The following AP1G1 variants were observed in gnomAD, a reference collection of about 807,000 sequenced individuals.
The protein encoded by AP1G1 is adaptor related protein complex 1 subunit gamma 1, also known as AP-1 complex subunit gamma-1.
Under a neutral mutation model 108.3 loss-of-function variants are expected in AP1G1, and 7 were observed. The observed-to-expected ratio is 0.06, with a 90% CI of 0.04 to 0.12. The LOEUF is 0.12. Among genes scored for constraint, AP1G1 ranks in the 10% least tolerant of loss-of-function variants. The pLI, the probability that AP1G1 is intolerant of heterozygous loss-of-function variation, is 1.00. For synonymous variants in AP1G1, 379 were observed against 353.5 expected (o/e 1.07, Z -0.81); for missense variants, 756 against 1,010.7 (o/e 0.75, Z 3.42).
rs148988794 is a variant in AP1G1 at position 71,766,386 on chromosome 16, T to C, written c.643-802A>G. ...TTTATCCATTAAGAGTCCTAACACA[T>C]AGTAAAGGCAATTTTACTGCCAAGC... On this transcript the variant is annotated intron_variant, in intron 6 of 22. Coordinates refer to ENST00000299980, the MANE Select transcript of AP1G1 (RefSeq NM_001128.6). 2.1e-4 allele frequency: 98 copies of C among 466,406 alleles called. No individual in the cohort carries two copies. In the East Asian group the frequency reaches 3.4e-3, roughly 16 times the overall value. 28.9% of individuals were successfully genotyped at this position (466,406 alleles called of 1,614,324 possible).
chr16:71,732,833 T>G lies in AP1G1; in HGVS notation c.*225A>C. The G allele has an allele frequency of 2.2e-6, 1 of 460,564 alleles. No individual in the cohort carries two copies. The highest frequency in any genetic ancestry group is 3.5e-5 in the East Asian group (1 of 28,572). 28.5% of individuals were successfully genotyped at this position (460,564 alleles called of 1,614,324 possible). A position where few individuals can be genotyped will look rare whatever the true frequency, so the allele number is the denominator to read the frequency against. ...TGCGGAAAAAGGAGAAGAGGAAGAGTGCAAAGTAGCCTCCAGAAGCAGCCA... is the reference window on the plus strand; with the variant it reads ...TGCGGAAAAAGGAGAAGAGGAAGAGGGCAAAGTAGCCTCCAGAAGCAGCCA... On this transcript the variant is annotated 3_prime_UTR_variant, in exon 23 of 23. Transcript: ENST00000299980.
intron 1 of AP1G1, among the ~76,000 whole-genome samples, chr16:71,799,385 T>TG (rs2142276960): frequency 6.6e-6 from 1 of 152,276 alleles, no homozygotes; most frequent in Admixed American, 6.5e-5. Flanking sequence ...AATCTAGAAA[T>TG]GATCTAAATG....
intron 12 of AP1G1, among the ~76,000 whole-genome samples, chr16:71,754,517 C>T (rs1204745904): frequency 1.3e-5 from 2 of 152,232 alleles, no homozygotes; most frequent in Non-Finnish European, 2.9e-5. Context: ...ATACAGTCAA[C>T]TGACTTCAGT....
Position 71,777,521 on chromosome 16 carries a change from C to A in AP1G1, c.202-2929G>T, listed in dbSNP as rs545980860. 294 of 285,284 alleles carry A rather than the reference C, an allele frequency of 1.0e-3. 2 individuals carry two copies. The highest frequency in any genetic ancestry group is 1.6e-3 in the Non-Finnish European group (223 of 136,456). The allele number at this position is 285,284 out of a possible 1,614,324, so 17.7% of individuals were successfully genotyped here. On this transcript the variant is annotated intron_variant, in intron 2 of 22. Transcript: ENST00000299980. ...GCAGGGCCCATAGCAAGGAGCCAGGCGAAGAGTGGCTGGACTTGTCTGTTC... is the reference window on the plus strand; with the variant it reads ...GCAGGGCCCATAGCAAGGAGCCAGGAGAAGAGTGGCTGGACTTGTCTGTTC...
chr16:71,804,171 C>T (rs1413522947), intron 1 of AP1G1, among the ~76,000 whole-genome samples: 11 of 148,432 alleles, frequency 7.4e-5, no homozygotes, highest in Admixed American at 4.1e-4. Context: ...CTCAGTCTCC[C>T]GAGTAGCTGG....
chr16:71,748,508 G>C, intron 15 of AP1G1, 130 bp from the exon 16 acceptor site: 1 of 1,102,640 alleles, frequency 9.1e-7, no homozygotes, highest in Non-Finnish European at 1.3e-6. Flanking sequence ...AACTCAACCT[G>C]TGCTTTGCCA....
intron 2 of AP1G1, among the ~76,000 whole-genome samples, chr16:71,775,203 T>C (rs563200417): frequency 6.6e-6 from 1 of 151,242 alleles, no homozygotes; most frequent in South Asian, 2.1e-4. Context: ...ATTTTTTTTT[T>C]GTATTTTTAG....
chr16:71,764,782 C>A lies in AP1G1; in HGVS notation c.739-56G>T, dbSNP rs1286601254. The A allele has an allele frequency of 2.7e-6, 3 of 1,122,930 alleles. No individual in the cohort carries two copies. The African/African-American group carries it at 4.7e-5, about 18-fold the overall frequency. The allele number at this position is 1,122,930 out of a possible 1,614,324, so 69.6% of individuals were successfully genotyped here. ...AATTATGTCTCACACAAAGAAATCTCACTTGGTATGAAATTCAAATAACTA... is the reference window on the plus strand; with the variant it reads ...AATTATGTCTCACACAAAGAAATCTAACTTGGTATGAAATTCAAATAACTA... On this transcript the variant is annotated intron_variant, in intron 7 of 22. Transcript: ENST00000299980.
At position 71,730,036 on chromosome 16, in the gene AP1G1, G is replaced by A. The variant is rs1182978934; in HGVS notation, c.*3022C>T. On this transcript the variant is annotated 3_prime_UTR_variant, in exon 23 of 23. Transcript: ENST00000299980. ...AAAAGTCTATTTTCATATATGAATG[G>A]GACAAACAAGGAGTACAAATCACAC... is the stretch of plus-strand genomic sequence containing the variant. 6.6e-6 allele frequency: 1 copy of A among 152,436 alleles called. No homozygotes were observed. The highest frequency in any genetic ancestry group is 1.5e-5 in the Non-Finnish European group (1 of 68,032). The allele number at this position is 152,436 out of a possible 1,614,324, so 9.4% of individuals were successfully genotyped here. A position where few individuals can be genotyped will look rare whatever the true frequency, so the allele number is the denominator to read the frequency against.
At chr16:71,768,542 G>C (rs543950772) in intron 6 of AP1G1, among the ~76,000 whole-genome samples, 28 of 137,618 alleles carry the variant, frequency 2.0e-4, no homozygotes, top group Admixed American at 6.0e-4. Context: ...AGAGAACTAA[G>C]ACTTCCATCA....
chr16:71,803,459 G>C (rs1457426291), intron 1 of AP1G1, among the ~76,000 whole-genome samples: 1 of 151,724 alleles, frequency 6.6e-6, no homozygotes, highest in Non-Finnish European at 1.5e-5. Flanking sequence ...CCTAAACCTT[G>C]CCCTTTTATG....
At chr16:71,799,408 T>C (rs1164761153) in intron 1 of AP1G1, among the ~76,000 whole-genome samples, 3 of 152,116 alleles carry the variant, frequency 2.0e-5, no homozygotes, top group South Asian at 2.1e-4. Context: ...CACAGGAAAA[T>C]AATAAATTAT....
intron 20 of AP1G1, 36 bp from the exon 21 acceptor site, chr16:71,739,138 C>G: frequency 6.2e-7 from 1 of 1,612,448 alleles, no homozygotes; most frequent in Non-Finnish European, 8.5e-7. Context: ...TTATTGTAGT[C>G]AGCCTAATGC....
intron 7 of AP1G1, among the ~76,000 whole-genome samples, chr16:71,765,271 G>A (rs1278062915): frequency 1.3e-5 from 2 of 152,216 alleles, no homozygotes; most frequent in Non-Finnish European, 2.9e-5. Context: ...AGGCTGCAGT[G>A]AGGCAAGATT....
chr16:71,757,454 A>AAAAAAAAAAT (rs2030860854), intron 11 of AP1G1, among the ~76,000 whole-genome samples: 5 of 152,160 alleles, frequency 3.3e-5, no homozygotes, highest in Non-Finnish European at 7.3e-5. Context: ...TCTCCAAAAA[A>AAAAAAAAAAT]AAAAAAAAAT....
At position 71,731,221 on chromosome 16, in the gene AP1G1, G is replaced by A. The variant is rs1315190857; in HGVS notation, c.*1837C>T. ...AAAACTATGCAGGAGATATTATCCTGTTCTTGACTCAGTCAACCATTTACC... is the reference window on the plus strand; with the variant it reads ...AAAACTATGCAGGAGATATTATCCTATTCTTGACTCAGTCAACCATTTACC... On this transcript the variant is annotated 3_prime_UTR_variant, in exon 23 of 23. Transcript: ENST00000299980. 2 of 152,488 alleles carry A rather than the reference G, an allele frequency of 1.3e-5. No individual in the cohort carries two copies. The highest frequency in any genetic ancestry group is 6.5e-5 in the Admixed American group (1 of 15,282). The allele number at this position is 152,488 out of a possible 1,614,324, so 9.4% of individuals were successfully genotyped here.
rs1398540475 is a variant in AP1G1, at chr16:71,803,891, T to TC, written c.-4+4871dup. 3.1e-5 allele frequency among the ~76,000 whole-genome samples: 4 copies of TC among 130,804 alleles called. No homozygotes were observed. The South Asian group carries it at 1.1e-3, about 36-fold the overall frequency. The allele number at this position is 130,804 out of a possible 152,430, so 85.8% of individuals were successfully genotyped here. On this transcript the variant is annotated intron_variant, in intron 1 of 22. Transcript: ENST00000299980. The stretch of plus-strand genomic sequence containing the variant: ...GTAAGCAGAGATGGCTCCGATGCAC[T>TC]CCAGCCTGGGCAACAGAGGAGGACT...
At chr16:71,773,487 G>A in intron 3 of AP1G1, 125 bp from the exon 4 acceptor site, 2 of 985,782 alleles carry the variant, frequency 2.0e-6, no homozygotes, top group South Asian at 2.6e-5. Context: ...ATTATTTGTT[G>A]CAGAAAATGT....
intron 19 of AP1G1, among the ~76,000 whole-genome samples, chr16:71,741,755 C>G (rs1255225986): frequency 6.6e-6 from 1 of 152,138 alleles, no homozygotes; most frequent in Non-Finnish European, 1.5e-5. Flanking sequence ...TCTAAAAAAT[C>G]AAATCGAGAA....
Sources: gnomAD v4.1 joint callset for allele counts (sites outside exome capture counted in the v4.1 genomes callset) on GRCh38, gnomAD v4.1.1 for gene constraint, MANE v1.5 for transcripts, NCBI Gene and HGNC (gene_info 2026-07-23, HGNC 2026-07-21) for gene names.